Variants in CLASP1 observed in about 807,000 individuals in gnomAD.
CLASP1 encodes CLIP-associating protein 1.
In CLASP1, 38 loss-of-function variants were observed where a neutral mutation model predicts 192.3. The observed-to-expected ratio is 0.20, with a 90% confidence interval of 0.15 to 0.26. CLASP1 has a LOEUF of 0.26. CLASP1 is among the 10% of genes least tolerant of loss of function. CLASP1 has a pLI of 1.00. For missense variants in CLASP1, 1,433 were observed against 1,932.5 expected (o/e 0.74, Z 4.85); for synonymous variants, 691 against 712.8 (o/e 0.97, Z 0.49).
At chr2:121,614,274 T>A (rs2066102862) in intron 1 of CLASP1, among the ~76,000 whole-genome samples, 1 of 148,294 alleles carries the variant, frequency 6.7e-6, no homozygotes, top group African/African-American at 2.4e-5. Flanking sequence ...GGCAGGTGGA[T>A]GACCTGAGGT....
At chr2:121,429,037 T>C (rs1172161628) in intron 20 of CLASP1, among the ~76,000 whole-genome samples, 1 of 152,170 alleles carries the variant, frequency 6.6e-6, no homozygotes, top group African/African-American at 2.4e-5. Context: ...CAATACAACC[T>C]AGGCCACAGG....
rs1192489695 is a variant in CLASP1 at position 121,386,508 on chromosome 2, G to A, written c.3374+614C>T. Among the ~76,000 whole-genome samples the A allele has an allele frequency of 2.6e-5, 4 of 152,204 alleles. No homozygotes were observed. The East Asian group carries it at 7.7e-4, about 29-fold the overall frequency. On this transcript the variant is annotated intron_variant, in intron 32 of 39. Coordinates refer to ENST00000263710, the Ensembl canonical transcript of CLASP1. ...CTTCTAAAGGCTCTTGTCAGATGGT[G>A]AAGTATTATCTAAAGATCCCAAGAC... is the stretch of plus-strand genomic sequence containing the variant.
chr2:121,490,301 T>C (rs1266885817), intron 8 of CLASP1: 1 of 454,894 alleles, frequency 2.2e-6, no homozygotes, highest in Non-Finnish European at 4.4e-6. Context: ...TTGTCAGTAA[T>C]CCTGGTACCA....
chr2:121,406,072 C>T (rs2076871691), intron 25 of CLASP1, among the ~76,000 whole-genome samples: 1 of 152,208 alleles, frequency 6.6e-6, no homozygotes, highest in South Asian at 2.1e-4. Context: ...ATTCACGTCT[C>T]CTTTCTCCCG....
At chr2:121,610,492 C>T (rs1412800540) in intron 1 of CLASP1, among the ~76,000 whole-genome samples, 1 of 91,866 alleles carries the variant, frequency 1.1e-5, no homozygotes, top group Non-Finnish European at 2.2e-5. Flanking sequence ...GGAAGAGGAG[C>T]TGGAGGAGGA....
intron 2 of CLASP1, among the ~76,000 whole-genome samples, chr2:121,545,012 A>T (rs1036796138): frequency 6.6e-6 from 1 of 151,744 alleles, no homozygotes; most frequent in Non-Finnish European, 1.5e-5. Context: ...CCCAGGCTCA[A>T]GCAATTCTCC....
chr2:121,568,589 A>T (rs1004014584), intron 2 of CLASP1, among the ~76,000 whole-genome samples: 2 of 151,534 alleles, frequency 1.3e-5, no homozygotes, highest in African/African-American at 4.9e-5. Context: ...ATTTTTCCAC[A>T]TAACTGAGGA....
intron 37 of CLASP1, among the ~76,000 whole-genome samples, chr2:121,361,129 C>T (rs183528763): frequency 9.2e-5 from 14 of 152,266 alleles, no homozygotes; most frequent in African/African-American, 2.9e-4. Flanking sequence ...TTTAAATGCC[C>T]GAGTCTAAGT....
In CLASP1 at chr2:121,480,496, A is replaced by G. The variant is rs556668750; in HGVS notation, c.713-10536T>C. The stretch of plus-strand genomic sequence containing the variant: ...GAGGAGCCCAGGGATGATTCTGTGC[A>G]GGAAGAAATCCACAGCTCGCACTGG... On this transcript the variant is annotated intron_variant, in intron 8 of 39. Coordinates refer to ENST00000263710, the Ensembl canonical transcript of CLASP1. Among the ~76,000 whole-genome samples, 3 of 152,350 alleles carry G rather than the reference A, an allele frequency of 2.0e-5. No homozygotes were observed. The South Asian group carries it at 6.2e-4, about 32-fold the overall frequency.
intron 8 of CLASP1, among the ~76,000 whole-genome samples, chr2:121,472,662 G>A (rs535779608): frequency 6.6e-6 from 1 of 152,360 alleles, no homozygotes; most frequent in South Asian, 2.1e-4. Context: ...GAGGGCTACA[G>A]GAATGTGCTA....
chr2:121,379,614 A>T (rs2149336509), intron 33 of CLASP1, among the ~76,000 whole-genome samples: 1 of 152,310 alleles, frequency 6.6e-6, no homozygotes, highest in Non-Finnish European at 1.5e-5. Flanking sequence ...AATCACAACA[A>T]CCAAAAATAA....
Position 121,407,749 on chromosome 2 carries a change from G to C in CLASP1, c.2425-34C>G, listed in dbSNP as rs527621463. The C allele has an allele frequency of 1.3e-5, 21 of 1,613,288 alleles. No individual in the cohort carries two copies. In the African/African-American group the frequency reaches 2.8e-4, roughly 22 times the overall value. The stretch of plus-strand genomic sequence containing the variant: ...TCCAATGAGGGATGGGAGTGATTGA[G>C]GAAGAAATAGAAAGGTGAAATGACT... On this transcript the variant is annotated intron_variant, in intron 24 of 39. Coordinates refer to ENST00000263710, the Ensembl canonical transcript of CLASP1.
At chr2:121,409,131 A>G in intron 24 of CLASP1, 3 of 1,149,306 alleles carry the variant, frequency 2.6e-6, no homozygotes, top group Non-Finnish European at 3.8e-6. Context: ...TCTTGCAACA[A>G]AAGTGTACAG....
Position 121,633,028 on chromosome 2 carries a change from A to ATATATG in CLASP1, c.-286+16343_-286+16344insCATATA, listed in dbSNP as rs71398039. ...TGTGCATATATATATATATATATAT[A>ATATATG]GGCTTTTTTTCATGAATATAATTAA... On this transcript the variant is annotated intron_variant, in intron 1 of 39. Transcript: ENST00000263710. 1.1e-4 allele frequency among the ~76,000 whole-genome samples: 15 copies of ATATATG among 137,546 alleles called. 1 individual carries two copies. Among genetic ancestry groups the ATATATG allele is most frequent in the South Asian group, 4.8e-4 (2 of 4,202 alleles). 90.2% of individuals were successfully genotyped at this position (137,546 alleles called of 152,430 possible).
chr2:121,553,306 CTG>C (rs2058212390), intron 2 of CLASP1, among the ~76,000 whole-genome samples: 1 of 152,026 alleles, frequency 6.6e-6, no homozygotes, highest in South Asian at 2.1e-4. Flanking sequence ...GAGTTCACCT[CTG>C]TAACAAACCT....
chr2:121,349,213 C>T (rs1354946125), intron 37 of CLASP1, among the ~76,000 whole-genome samples: 6 of 151,684 alleles, frequency 4.0e-5, no homozygotes, highest in African/African-American at 1.5e-4. Flanking sequence ...GCACTCCAGC[C>T]TGGGTGACAG....
At chr2:121,441,593 T>G (rs904469496) in intron 19 of CLASP1, among the ~76,000 whole-genome samples, 2 of 151,706 alleles carry the variant, frequency 1.3e-5, no homozygotes, top group African/African-American at 4.8e-5. Context: ...CAGGCAGGCG[T>G]GGTGGTGCAC....
chr2:121,639,961 G>A (rs1444461068), intron 1 of CLASP1, among the ~76,000 whole-genome samples: 1 of 151,828 alleles, frequency 6.6e-6, no homozygotes, highest in Non-Finnish European at 1.5e-5. Flanking sequence ...CAAAGACTTG[G>A]AACCAACCCA....
chr2:121,369,397 C>T (rs1267002133), intron 34 of CLASP1, among the ~76,000 whole-genome samples: 2 of 151,924 alleles, frequency 1.3e-5, no homozygotes, highest in African/African-American at 4.8e-5. Flanking sequence ...GAAGAAAATT[C>T]ATGGATGGTT....
Sources: gnomAD v4.1 joint callset for allele counts (sites outside exome capture counted in the v4.1 genomes callset) on GRCh38, gnomAD v4.1.1 for gene constraint, MANE v1.5 for transcripts, NCBI Gene and HGNC (gene_info 2026-07-23, HGNC 2026-07-21) for gene names.